PRIM2: variants seen among roughly 807,000 people sequenced by gnomAD.
The protein encoded by PRIM2 is DNA primase subunit 2.
A neutral mutation model predicts 67.3 loss-of-function variants in PRIM2; 39 were observed. The observed-to-expected ratio is 0.58, with a 90% CI of 0.45 to 0.76. PRIM2 has a LOEUF of 0.76. Ranked by LOEUF, PRIM2 falls within the 30% of genes least tolerant of loss-of-function variation. PRIM2 has a pLI of 0.00. For missense variants in PRIM2, 398 were observed against 598.7 expected (o/e 0.66, Z 3.50); for synonymous variants, 143 against 198.7 (o/e 0.72, Z 2.36).
At chr6:57,443,687 T>G (rs1162356083) in intron 7 of PRIM2, among the ~76,000 whole-genome samples, 1 of 152,184 alleles carries the variant, frequency 6.6e-6, no homozygotes, top group Non-Finnish European at 1.5e-5. Context: ...GCGTAACACT[T>G]GGAAATATTT....
At chr6:57,345,353 G>C (rs1768637170) in intron 5 of PRIM2, among the ~76,000 whole-genome samples, 1 of 151,804 alleles carries the variant, frequency 6.6e-6, no homozygotes, top group Non-Finnish European at 1.5e-5. Flanking sequence ...TTTTAGTAGA[G>C]ACGGGGTTTT....
intron 7 of PRIM2, among the ~76,000 whole-genome samples, chr6:57,440,487 A>T (rs575858967): frequency 3.3e-5 from 5 of 152,210 alleles, no homozygotes; most frequent in African/African-American, 1.2e-4. Context: ...AGAAGTTAAT[A>T]CCTGGTTTAG....
chr6:57,543,011 T>C (rs1157400069), intron 10 of PRIM2, among the ~76,000 whole-genome samples: 3 of 133,788 alleles, frequency 2.2e-5, no homozygotes, highest in African/African-American at 8.8e-5. Flanking sequence ...CAATCTCGGC[T>C]CACTGCAGGC....
At chr6:57,458,377 GC>G (rs1215100132) in intron 7 of PRIM2, among the ~76,000 whole-genome samples, 2 of 152,120 alleles carry the variant, frequency 1.3e-5, no homozygotes, top group Non-Finnish European at 1.5e-5. Context: ...TCTTCCATAT[GC>G]CCTGGAAAAG....
At chr6:57,364,326 A>G (rs1237633576) in intron 5 of PRIM2, among the ~76,000 whole-genome samples, 4 of 151,724 alleles carry the variant, frequency 2.6e-5, no homozygotes, top group Non-Finnish European at 2.9e-5. Flanking sequence ...TTTTCAGGAC[A>G]TTTTCAGGGT....
chr6:57,601,751 A>G (rs1290901787), intron 11 of PRIM2, among the ~76,000 whole-genome samples: 30 of 152,344 alleles, frequency 2.0e-4, no homozygotes, highest in African/African-American at 7.2e-4. Flanking sequence ...AGAAAAACAA[A>G]ACATCTCATT....
chr6:57,625,072 C>G (rs1180113721), intron 12 of PRIM2, among the ~76,000 whole-genome samples: 1 of 152,180 alleles, frequency 6.6e-6, no homozygotes, highest in Admixed American at 6.5e-5. Context: ...TTATCTCCCA[C>G]CAGGTCCCTC....
At chr6:57,606,650 T>C (rs1237240487) in intron 12 of PRIM2, among the ~76,000 whole-genome samples, 193 bp downstream of exon 12, 1 of 152,214 alleles carries the variant, frequency 6.6e-6, no homozygotes, top group Non-Finnish European at 1.5e-5. Flanking sequence ...AGTTCTTCTG[T>C]CTGCTAAGCT....
At chr6:57,470,765 A>G (rs1197034783) in intron 7 of PRIM2, among the ~76,000 whole-genome samples, 1 of 152,044 alleles carries the variant, frequency 6.6e-6, no homozygotes, top group African/African-American at 2.4e-5. Flanking sequence ...GTTACAGCCT[A>G]CATCTTGTAT....
rs1324919095 is a variant in PRIM2 at position 57,627,759 on chromosome 6, A to C, written c.1231-4374A>C. 1.4e-3 allele frequency among the ~76,000 whole-genome samples: 209 copies of C among 152,274 alleles called. 4 individuals are homozygous for C. In the East Asian group the frequency reaches 0.019, roughly 14 times the overall value. On this transcript the variant is annotated intron_variant, in intron 12 of 13. Coordinates refer to ENST00000615550, the MANE Select transcript of PRIM2 (RefSeq NM_000947.5). ...AACAGTAAGTGGATTGTTACACTTG[A>C]CATTTTGTACTTTATCTGGAAATAC...
At chr6:57,432,351 T>G (rs1323826082) in intron 7 of PRIM2, among the ~76,000 whole-genome samples, 2 of 151,960 alleles carry the variant, frequency 1.3e-5, no homozygotes, top group Non-Finnish European at 2.9e-5. Context: ...TATTCATATT[T>G]TTCTTCGAAG....
intron 10 of PRIM2, among the ~76,000 whole-genome samples, chr6:57,580,412 C>A (rs1776059601): frequency 6.6e-6 from 1 of 152,108 alleles, no homozygotes; most frequent in Admixed American, 6.5e-5. Context: ...AAGAGAAATG[C>A]ATACAAATTT....
At chr6:57,274,179 C>A in the PRIM2 span, among the ~76,000 whole-genome samples, 1 of 152,364 alleles carries the variant, frequency 6.6e-6, no homozygotes, top group East Asian at 1.9e-4. Context: ...TTTATGTCTG[C>A]AGAGGTTACT....
intron 12 of PRIM2, among the ~76,000 whole-genome samples, chr6:57,626,878 G>T (rs1357150822): frequency 3.9e-5 from 6 of 151,908 alleles, no homozygotes; most frequent in African/African-American, 1.5e-4. Flanking sequence ...CACCTGCCCT[G>T]GCCTCCCAAA....
At chr6:57,480,982 T>C (rs1216495371) in intron 7 of PRIM2, among the ~76,000 whole-genome samples, 1 of 152,224 alleles carries the variant, frequency 6.6e-6, no homozygotes, top group African/African-American at 2.4e-5. Flanking sequence ...ATATAACTTT[T>C]AACTTTTTAA....
At chr6:57,381,418 C>A (rs1769956837) in intron 6 of PRIM2, among the ~76,000 whole-genome samples, 2 of 152,080 alleles carry the variant, frequency 1.3e-5, no homozygotes, top group African/African-American at 4.8e-5. Flanking sequence ...ATACTTCGCT[C>A]ATCTCTTAGA....
intron 13 of PRIM2, among the ~76,000 whole-genome samples, chr6:57,636,551 G>C (rs1210107783): frequency 2.6e-5 from 4 of 152,038 alleles, no homozygotes; most frequent in African/African-American, 4.8e-5. Flanking sequence ...CTATAAAAAG[G>C]AAACTTCATA....
intron 10 of PRIM2, among the ~76,000 whole-genome samples, chr6:57,555,444 T>C (rs1213216084): frequency 6.6e-6 from 1 of 152,164 alleles, no homozygotes; most frequent in Non-Finnish European, 1.5e-5. Flanking sequence ...CACGTCTGGC[T>C]AATTTTTGTA....
At chr6:57,312,738 T>C (rs1303663116), upstream of PRIM2, among the ~76,000 whole-genome samples, 2 of 152,350 alleles carry the variant, frequency 1.3e-5, no homozygotes, top group African/African-American at 4.8e-5. Context: ...GCTTATGCTT[T>C]TTCTTAATGT....
Sources: gnomAD v4.1 joint callset for allele counts (sites outside exome capture counted in the v4.1 genomes callset) on GRCh38, gnomAD v4.1.1 for gene constraint, MANE v1.5 for transcripts, NCBI Gene and HGNC (gene_info 2026-07-23, HGNC 2026-07-21) for gene names.